Variants in PCOLCE2 observed in about 807,000 individuals in gnomAD.
PCOLCE2 encodes procollagen C-proteinase enhancer 2.
In PCOLCE2, 42 loss-of-function variants were observed where a neutral mutation model predicts 47.0. The ratio of observed to expected loss-of-function variants is 0.89; its 90% CI spans 0.70 to 1.16. The LOEUF is 1.16. Ranked by LOEUF, PCOLCE2 falls within the 50% of genes most tolerant of loss-of-function variation. PCOLCE2 has a pLI of 0.00. For missense variants in PCOLCE2, 500 were observed against 526.1 expected, an observed-to-expected ratio of 0.95 and a Z score of 0.49; for synonymous variants, 169 against 191.7, an observed-to-expected ratio of 0.88 and a Z score of 0.98.
intron 5 of PCOLCE2, among the ~76,000 whole-genome samples, chr3:142,831,951 G>A (rs1018511848): frequency 2.0e-5 from 3 of 152,198 alleles, no homozygotes; most frequent in African/African-American, 7.2e-5. Flanking sequence ...TGTACTGGGG[G>A]CCATGTTACA....
At chr3:142,850,909 C>T (rs1932925187) in intron 2 of PCOLCE2, among the ~76,000 whole-genome samples, 1 of 152,108 alleles carries the variant, frequency 6.6e-6, no homozygotes, top group Non-Finnish European at 1.5e-5. Context: ...GAGGGCAAAA[C>T]TGATGAAGCA....
At chr3:142,848,039 G>C (rs1015357484) in intron 3 of PCOLCE2, among the ~76,000 whole-genome samples, 178 bp downstream of exon 3, 3 of 152,202 alleles carry the variant, frequency 2.0e-5, no homozygotes. Context: ...TGATTTACAA[G>C]AATGCATGTG....
At chr3:142,853,252 T>C (rs554444926) in intron 2 of PCOLCE2, among the ~76,000 whole-genome samples, 5 of 152,276 alleles carry the variant, frequency 3.3e-5, no homozygotes, top group Admixed American at 2.0e-4. Flanking sequence ...CTGGAACATG[T>C]TCCCACTTCT....
At chr3:142,864,354 A>T (rs892915094) in intron 2 of PCOLCE2, 1 of 152,202 alleles carries the variant, frequency 6.6e-6, no homozygotes, top group African/African-American at 2.4e-5. Context: ...TTCGAATGCC[A>T]TATAGAGCAG....
Position 142,827,790 on chromosome 3 carries a change from G to A in PCOLCE2, c.865+1902C>T, listed in dbSNP as rs370633238. 3.5e-5 allele frequency: 21 copies of A among 601,858 alleles called. No individual in the cohort carries two copies. In the African/African-American group the frequency reaches 3.9e-4, roughly 11 times the overall value. 37.3% of individuals were successfully genotyped at this position (601,858 alleles called of 1,614,324 possible). A position where few individuals can be genotyped will look rare whatever the true frequency, so the allele number is the denominator to read the frequency against. Reference sequence around the variant, plus strand: ...AGTCTGGGGACCCGTGTACCCCTACGCATGGCATATCCACTGGAAAATCTC... The same window carrying A: ...AGTCTGGGGACCCGTGTACCCCTACACATGGCATATCCACTGGAAAATCTC... On this transcript the variant is annotated intron_variant, in intron 6 of 8. Transcript: ENST00000295992.
intron 1 of PCOLCE2, 86 bp downstream of exon 1, chr3:142,888,728 A>C (rs1328954171): frequency 1.2e-6 from 1 of 813,420 alleles, no homozygotes; most frequent in Non-Finnish European, 1.8e-6. Context: ...GGCGCGCCGA[A>C]GCGGGTTGAG....
chr3:142,883,853 A>T (rs1474322664), intron 2 of PCOLCE2, among the ~76,000 whole-genome samples: 1 of 152,222 alleles, frequency 6.6e-6, no homozygotes, highest in Admixed American at 6.5e-5. Flanking sequence ...TAATGAAGCT[A>T]TTAACGGAAT....
rs192129742 is a variant in PCOLCE2, at chr3:142,841,551, T to A, written c.573+1373A>T. ...TTAAATGTTTCAGAAACACAATTTT[T>A]AAAATTACTTTATAAAACATTCAAC... On this transcript the variant is annotated intron_variant, in intron 4 of 8. Coordinates refer to ENST00000295992, the MANE Select transcript of PCOLCE2 (RefSeq NM_013363.4). 4.2e-3 allele frequency among the ~76,000 whole-genome samples: 640 copies of A among 152,076 alleles called. 4 individuals carry two copies. Among genetic ancestry groups the A allele is most frequent in the African/African-American group, 0.014 (599 of 41,376 alleles).
chr3:142,844,049 G>A (rs1033542809), intron 3 of PCOLCE2, among the ~76,000 whole-genome samples: 8 of 152,030 alleles, frequency 5.3e-5, no homozygotes, highest in Non-Finnish European at 8.8e-5. Context: ...CAATCCCCAC[G>A]ACCTGCTTCA....
At chr3:142,888,487 C>G (rs1933756929) in intron 1 of PCOLCE2, among the ~76,000 whole-genome samples, 1 of 152,262 alleles carries the variant, frequency 6.6e-6, no homozygotes, top group African/African-American at 2.4e-5. Flanking sequence ...TATTTGGGCC[C>G]CAGTGCTTCC....
chr3:142,822,640 G>A (rs960944464), intron 7 of PCOLCE2, among the ~76,000 whole-genome samples: 18 of 152,196 alleles, frequency 1.2e-4, no homozygotes, highest in African/African-American at 4.1e-4. Flanking sequence ...TAAACTGGAT[G>A]TGGTAGCAAT....
intron 5 of PCOLCE2, among the ~76,000 whole-genome samples, chr3:142,835,937 C>T (rs928595917): frequency 6.6e-6 from 1 of 152,228 alleles, no homozygotes; most frequent in Non-Finnish European, 1.5e-5. Flanking sequence ...AGCCATCACA[C>T]CTGCTTTGTC....
intron 4 of PCOLCE2, among the ~76,000 whole-genome samples, chr3:142,841,101 A>C (rs1937260712): frequency 6.6e-6 from 1 of 151,794 alleles, no homozygotes; most frequent in Non-Finnish European, 1.5e-5. Flanking sequence ...GAAATTAGTC[A>C]CAAAAACTTT....
At chr3:142,876,902 G>A (rs1933507092) in intron 2 of PCOLCE2, among the ~76,000 whole-genome samples, 1 of 152,184 alleles carries the variant, frequency 6.6e-6, no homozygotes, top group Non-Finnish European at 1.5e-5. Flanking sequence ...ATGAATACCA[G>A]GAGGTGTGGT....
intron 2 of PCOLCE2, among the ~76,000 whole-genome samples, chr3:142,857,881 C>T (rs1047802445): frequency 1.3e-5 from 2 of 152,234 alleles, no homozygotes; most frequent in African/African-American, 4.8e-5. Flanking sequence ...CCACCCCAGG[C>T]TAACATTCTG....
intron 2 of PCOLCE2, among the ~76,000 whole-genome samples, chr3:142,851,043 G>A (rs1223950821): frequency 3.3e-5 from 5 of 152,292 alleles, no homozygotes; most frequent in Admixed American, 6.5e-5. Context: ...AATGACAGAA[G>A]GGAAGACAGA....
Position 142,821,706 on chromosome 3 carries a change from TA to T in PCOLCE2, c.950-662del, listed in dbSNP as rs1040914622. Among the ~76,000 whole-genome samples, 6 of 151,220 alleles carry T rather than the reference TA, an allele frequency of 4.0e-5. No homozygotes were observed. In the East Asian group the frequency reaches 5.8e-4, roughly 15 times the overall value. On this transcript the variant is annotated intron_variant, in intron 7 of 8. Transcript: ENST00000295992. ...TATTAACTTAAACTTTTTTTTTTCT[TA>T]AAAAAAAACCTCTAGTAAAATTCAG...
At chr3:142,856,243 GAA>G (rs923083788) in intron 2 of PCOLCE2, among the ~76,000 whole-genome samples, 39 of 152,270 alleles carry the variant, frequency 2.6e-4, no homozygotes, top group African/African-American at 9.4e-4. Context: ...ACAAAGGGGA[GAA>G]AATTCAGAAT....
At chr3:142,823,656 C>T (rs1271925749) in intron 6 of PCOLCE2, 41 bp from the exon 7 acceptor site, 1 of 1,154,226 alleles carries the variant, frequency 8.7e-7, no homozygotes, top group Non-Finnish European at 1.3e-6. Context: ...AAAATGAATT[C>T]AAGCATAATT....
Sources: allele counts gnomAD v4.1 joint callset (sites outside exome capture counted in the v4.1 genomes callset), GRCh38; gene constraint gnomAD v4.1.1; transcripts MANE v1.5; gene names NCBI Gene and HGNC (gene_info 2026-07-23, HGNC 2026-07-21).